ESYT2: variants seen among roughly 807,000 people sequenced by gnomAD.
ESYT2 encodes extended synaptotagmin 2, also known as extended synaptotagmin-2.
ESYT2 carries 54 observed loss-of-function variants against 107.2 expected under a neutral mutation model. That is an observed-to-expected ratio of 0.50 (90% CI 0.40 to 0.63). The LOEUF is 0.63. ESYT2 is among the 30% of genes least tolerant of loss of function. ESYT2 has a pLI of 0.00. For missense variants in ESYT2, 1,020 were observed against 1,094.5 expected (o/e 0.93, Z 0.96); for synonymous variants, 491 against 434.1 (o/e 1.13, Z -1.63).
At chr7:158,803,022 T>C (rs1839689458) in intron 1 of ESYT2, among the ~76,000 whole-genome samples, 1 of 152,202 alleles carries the variant, frequency 6.6e-6, no homozygotes, top group Non-Finnish European at 1.5e-5. Context: ...CTGGAAGCAA[T>C]GGTTGGTTGC....
intron 1 of ESYT2, among the ~76,000 whole-genome samples, chr7:158,814,290 TATATATATATA>T (rs1840080271): frequency 1.3e-4 from 1 of 7,814 alleles, no homozygotes; most frequent in Non-Finnish European, 2.2e-4. Flanking sequence ...AAAAAAATTA[TATATATATATA>T]TATATATATA....
In ESYT2 at chr7:158,734,177, G is replaced by A. The variant is rs745360476; in HGVS notation, c.*30C>T. On this transcript the variant is annotated 3_prime_UTR_variant, in exon 23 of 23. Coordinates refer to ENST00000275418, the MANE Select transcript of ESYT2 (RefSeq NM_001367773.1). ...GTTCCGGGTAGAGGTGGAGAGCTACGCTGAAGAGGACGCCTCCTGCCTGCT... is the reference window on the plus strand; with the variant it reads ...GTTCCGGGTAGAGGTGGAGAGCTACACTGAAGAGGACGCCTCCTGCCTGCT... The A allele has an allele frequency of 1.2e-5, 20 of 1,613,702 alleles. No individual in the cohort carries two copies. The highest frequency in any genetic ancestry group is 4.5e-5 in the East Asian group (2 of 44,884).
intron 15 of ESYT2, 64 bp from the exon 16 acceptor site, chr7:158,748,344 G>A (rs774673771): frequency 7.4e-6 from 9 of 1,218,068 alleles, no homozygotes; most frequent in Middle Eastern, 2.0e-4. Context: ...CTCATTTTAT[G>A]TGTTTAGAAG....
intron 9 of ESYT2, among the ~76,000 whole-genome samples, chr7:158,763,758 G>A (rs375548504): frequency 1.6e-4 from 25 of 152,222 alleles, no homozygotes; most frequent in African/African-American, 5.3e-4. Context: ...CTCCAACAAG[G>A]TCATGATACG....
chr7:158,754,019 A>G (rs1339286328), intron 13 of ESYT2, among the ~76,000 whole-genome samples: 1 of 152,094 alleles, frequency 6.6e-6, no homozygotes, highest in Non-Finnish European at 1.5e-5. Flanking sequence ...TGGGTAGGGG[A>G]TGCAGGAGAA....
At chr7:158,757,310 G>C (rs1340311628) in intron 13 of ESYT2, among the ~76,000 whole-genome samples, 2 of 152,246 alleles carry the variant, frequency 1.3e-5, no homozygotes, top group Admixed American at 1.3e-4. Flanking sequence ...GACAAAGAAA[G>C]AAAGAACCCC....
chr7:158,759,231 T>C lies in ESYT2; in HGVS notation c.1419+255A>G, dbSNP rs529158482. Among the ~76,000 whole-genome samples the C allele has an allele frequency of 2.0e-5, 3 of 152,360 alleles. No individual in the cohort carries two copies. The South Asian group carries it at 6.2e-4, about 32-fold the overall frequency. Reference sequence around the variant, plus strand: ...AGTGATTTTCTAGAGAGTTAACCTCTTCTCCTAACCACTATTCATCTTCTT... The same window carrying C: ...AGTGATTTTCTAGAGAGTTAACCTCCTCTCCTAACCACTATTCATCTTCTT... On this transcript the variant is annotated intron_variant, in intron 13 of 22. Transcript: ENST00000275418.
rs1179361976 is a variant in ESYT2 at position 158,749,652 on chromosome 7, G to A, written c.1554C>T (p.Ser518=). The change falls in exon 15 of 23, where the codon AGC becomes AGT. Residue 518 remains serine (S), a synonymous_variant. Transcript: ENST00000275418. ...GAGTCCAGGGCGAGCACCTTACCTT[G>A]CTCTCCTGGGCCTTGTGCCCAACTG... The part of the protein sequence containing the change: ...QMSVGHKAQE[S]KIRYKTNEPV... The A allele has an allele frequency of 6.2e-7, 1 of 1,613,794 alleles. No individual in the cohort carries two copies. The highest frequency in any genetic ancestry group is 8.5e-7 in the Non-Finnish European group (1 of 1,179,920).
intron 6 of ESYT2, among the ~76,000 whole-genome samples, chr7:158,776,939 G>A (rs1281758011): frequency 3.4e-5 from 5 of 146,940 alleles, no homozygotes; most frequent in Admixed American, 1.4e-4. Flanking sequence ...TACAACCTCC[G>A]CCTCCCAGGT....
At position 158,760,093 on chromosome 7, in the gene ESYT2, G is replaced by A; in HGVS notation, c.1288C>T (p.Leu430Phe). The A allele has an allele frequency of 1.2e-6, 2 of 1,614,188 alleles. No individual in the cohort carries two copies. Among genetic ancestry groups the A allele is most frequent in the South Asian group, 2.2e-5 (2 of 91,082 alleles). The change falls in exon 12 of 23, where the codon CTC (leucine) becomes TTC (phenylalanine). Residue 430 changes from leucine (L) to phenylalanine (F), a missense_variant. Transcript: ENST00000275418. ...KGKLHLRLEW[L>F]TLMPNASNLD... ...TTTGACGCATTTGGCATTAACGTGA[G>A]CCACTCCAGTCTCAAGTGTAGCTTC...
At chr7:158,790,028 AGAGTCCTCCTGGGGGC>A (rs1839236134) in intron 4 of ESYT2, among the ~76,000 whole-genome samples, 1 of 116,676 alleles carries the variant, frequency 8.6e-6, no homozygotes, top group Admixed American at 8.5e-5. Context: ...CCCAGTGGGG[AGAGTCCTCCTGGGGGC>A]GGAGCGTCCT....
chr7:158,782,156 AGT>A (rs1042619674), intron 6 of ESYT2, among the ~76,000 whole-genome samples: 10 of 150,154 alleles, frequency 6.7e-5, no homozygotes, highest in African/African-American at 9.9e-5. Context: ...AACAAGTGTG[AGT>A]GTGAGAACAG....
chr7:158,809,239 A>T (rs1176985068), intron 1 of ESYT2, among the ~76,000 whole-genome samples: 1 of 152,038 alleles, frequency 6.6e-6, no homozygotes, highest in Non-Finnish European at 1.5e-5. Context: ...GCACTTTGGG[A>T]GGCCAAGGCG....
chr7:158,771,142 G>A (rs369833687), intron 7 of ESYT2, among the ~76,000 whole-genome samples: 1 of 152,170 alleles, frequency 6.6e-6, no homozygotes, highest in African/African-American at 2.4e-5. Context: ...TGAATCAGGG[G>A]ATCAACTTCC....
intron 11 of ESYT2, among the ~76,000 whole-genome samples, chr7:158,760,544 A>C (rs1343527182): frequency 6.6e-6 from 1 of 152,196 alleles, no homozygotes; most frequent in African/African-American, 2.4e-5. Context: ...TGTGTTGCCC[A>C]GGCTGGGCTC....
At chr7:158,810,861 T>C in intron 1 of ESYT2, among the ~76,000 whole-genome samples, 1 of 152,012 alleles carries the variant, frequency 6.6e-6, no homozygotes, top group Non-Finnish European at 1.5e-5. Context: ...TAGGGTTTCT[T>C]TACAGAAGAC....
intron 16 of ESYT2, among the ~76,000 whole-genome samples, chr7:158,746,227 T>C (rs1008042076): frequency 1.4e-4 from 6 of 41,596 alleles, no homozygotes; most frequent in African/African-American, 4.4e-4. Flanking sequence ...CATACATAAA[T>C]AGACACACAC....
chr7:158,743,643 G>C lies in ESYT2; in HGVS notation c.1680C>G (p.Asn560Lys). 1 of 1,612,386 alleles carries C rather than the reference G, an allele frequency of 6.2e-7. No homozygotes were observed. The highest frequency in any genetic ancestry group is 8.5e-7 in the Non-Finnish European group (1 of 1,179,226). ...RDEQHQCSLG[N>K]LKVPLSQLLT... ...GCAGCTGGCTGAGGGGGACCTTCAG[G>C]TTCCCCAGGGAACACTGGTGCTGCT... Residue 560 changes from asparagine to lysine, a missense_variant, in exon 17 of 23, where the codon AAC (asparagine) becomes AAG (lysine). Physicochemically the swap from Asn to Lys is moderately conservative, Grantham distance 94 (BLOSUM62 0). Coordinates refer to ENST00000275418, the MANE Select transcript of ESYT2 (RefSeq NM_001367773.1).
intron 7 of ESYT2, among the ~76,000 whole-genome samples, chr7:158,772,289 C>A (rs949289594): frequency 6.6e-6 from 1 of 152,164 alleles, no homozygotes; most frequent in Non-Finnish European, 1.5e-5. Context: ...CAGTAAACCA[C>A]AGCACCTAAA....
Sources: gnomAD v4.1 joint callset for allele counts (sites outside exome capture counted in the v4.1 genomes callset) on GRCh38, gnomAD v4.1.1 for gene constraint, MANE v1.5 for transcripts, NCBI Gene and HGNC (gene_info 2026-07-23, HGNC 2026-07-21) for gene names.